The following KRT79 variants were observed in gnomAD, a reference collection of about 807,000 sequenced individuals.
KRT79 encodes keratin, type II cytoskeletal 79.
Under a neutral mutation model 49.0 loss-of-function variants are expected in KRT79, and 51 were observed. That is an observed-to-expected ratio of 1.04 (90% CI 0.83 to 1.31). KRT79 has a LOEUF of 1.31. KRT79 is among the 40% of genes most tolerant of loss of function. The probability of loss-of-function intolerance (pLI) is 0.00; values close to 1 mark genes in which losing one functional copy is unlikely to be tolerated. For synonymous variants in KRT79, 312 were observed against 286.6 expected, an observed-to-expected ratio of 1.09 and a Z score of -0.90; for missense variants, 728 against 688.0, an observed-to-expected ratio of 1.06 and a Z score of -0.65.
intron 8 of KRT79, 88 bp downstream of exon 8, chr12:52,822,257 G>T: frequency 8.4e-6 from 12 of 1,422,220 alleles, no homozygotes; most frequent in Non-Finnish European, 1.2e-5. Context: ...AGGAGAGCAT[G>T]CTTTAGGACA....
At chr12:52,825,563 C>T (rs989746316) in intron 4 of KRT79, among the ~76,000 whole-genome samples, 3 of 151,948 alleles carry the variant, frequency 2.0e-5, no homozygotes, top group South Asian at 2.1e-4. Context: ...GCTGAGAGGA[C>T]GTAGACTAAA....
At position 52,822,999 on chromosome 12, in the gene KRT79, G is replaced by C; in HGVS notation, c.1367+17C>G. On this transcript the variant is annotated intron_variant, in intron 7 of 8. Transcript: ENST00000330553. ...GGCCCGACCCAGCTTTCTGGGTCGG[G>C]CAGGAGGGGCCACCACCTGCTCTCC... The C allele has an allele frequency of 6.2e-7, 1 of 1,612,802 alleles. No homozygotes were observed. The highest frequency in any genetic ancestry group is 8.5e-7 in the Non-Finnish European group (1 of 1,179,682).
intron 7 of KRT79, 25 bp from the exon 8 acceptor site, chr12:52,822,404 G>T: frequency 6.5e-7 from 1 of 1,535,752 alleles, no homozygotes; most frequent in Non-Finnish European, 8.8e-7. Flanking sequence ...AAGGCCAGGA[G>T]AGCAGTCAGT....
chr12:52,824,409 C>G, intron 4 of KRT79, 47 bp from the exon 5 acceptor site: 1 of 1,589,940 alleles, frequency 6.3e-7, no homozygotes, highest in Non-Finnish European at 8.6e-7. Context: ...CTCCAGGCCC[C>G]AGGAAGCATC....
Position 52,823,020 on chromosome 12 carries a change from T to G in KRT79, c.1363A>C (p.Ser455Arg). 1 of 1,613,724 alleles carries G rather than the reference T, an allele frequency of 6.2e-7. No individual in the cohort carries two copies. The highest frequency in any genetic ancestry group is 1.3e-5 in the African/African-American group (1 of 74,958). ...TCGGGCAGGAGGGGCCACCACCTGC[T>G]CTCCTCGCTCTCCAGAAGCTTGCGG... ...TYRKLLESEE[S>R]RMSGECPSAV... is the part of the protein sequence containing the mutation. The change falls in exon 7 of 9, where the codon AGC becomes CGC. Residue 455 changes from serine to arginine, a missense_variant. Physicochemically the swap from Ser to Arg is moderately radical, Grantham distance 110. Coordinates refer to ENST00000330553, the MANE Select transcript of KRT79 (RefSeq NM_175834.3).
At chr12:52,833,421 C>G (rs1167276133) in intron 1 of KRT79, among the ~76,000 whole-genome samples, 1 of 152,208 alleles carries the variant, frequency 6.6e-6, no homozygotes, top group Non-Finnish European at 1.5e-5. Flanking sequence ...AAAGGCAATG[C>G]AGGCCACCCC....
intron 4 of KRT79, among the ~76,000 whole-genome samples, chr12:52,825,733 A>G (rs939836594): frequency 2.6e-5 from 4 of 152,142 alleles, no homozygotes; most frequent in Non-Finnish European, 4.4e-5. Flanking sequence ...CACTACAAAA[A>G]CTTGTGGTTT....
chr12:52,829,113 T>G (rs528032620), intron 4 of KRT79, among the ~76,000 whole-genome samples: 114 of 152,260 alleles, frequency 7.5e-4, no homozygotes, highest in African/African-American at 2.7e-3. Context: ...ATCATAGAAA[T>G]TGTTCTTGCA....
Position 52,822,998 on chromosome 12 carries a change from G to T in KRT79, c.1367+18C>A, listed in dbSNP as rs1343188167. On this transcript the variant is annotated intron_variant, in intron 7 of 8. Coordinates refer to ENST00000330553, the MANE Select transcript of KRT79 (RefSeq NM_175834.3). ...AGGCCCGACCCAGCTTTCTGGGTCG[G>T]GCAGGAGGGGCCACCACCTGCTCTC... 3.1e-6 allele frequency: 5 copies of T among 1,612,484 alleles called. No homozygotes were observed. The highest frequency in any genetic ancestry group is 2.7e-5 in the African/African-American group (2 of 74,838).
intron 1 of KRT79, among the ~76,000 whole-genome samples, chr12:52,833,415 G>A (rs888773482): frequency 6.6e-6 from 1 of 152,158 alleles, no homozygotes; most frequent in Non-Finnish European, 1.5e-5. Flanking sequence ...ATGACAAAAG[G>A]CAATGCAGGC....
rs75098548 is a variant in KRT79, at chr12:52,827,763, G to T, written c.855+2260C>A. On this transcript the variant is annotated intron_variant, in intron 4 of 8. Transcript: ENST00000330553. ...TCCAGGAAAGGCCAATCGCTCAGCT[G>T]CTTTGTCATTTGCCTCTTTTCCATC... Among the ~76,000 whole-genome samples the T allele has an allele frequency of 7.8e-3, 1,191 of 152,314 alleles. 11 individuals are homozygous for T. Among genetic ancestry groups the T allele is most frequent in the African/African-American group, 0.027 (1,116 of 41,560 alleles).
At position 52,823,874 on chromosome 12, in the gene KRT79, A is replaced by G; in HGVS notation, c.1146+13T>C. 6.2e-7 allele frequency: 1 copy of G among 1,611,032 alleles called. No individual in the cohort carries two copies. Among genetic ancestry groups the G allele is most frequent in the Non-Finnish European group, 8.5e-7 (1 of 1,179,108 alleles). On this transcript the variant is annotated intron_variant, in intron 6 of 8. Coordinates refer to ENST00000330553, the MANE Select transcript of KRT79 (RefSeq NM_175834.3). ...ACCTAGGCCAGACCCCCAAGCCCCC[A>G]GTAGAGTCCCACCTGCTTCTTGGCT... is the stretch of plus-strand genomic sequence containing the variant.
chr12:52,825,523 G>A (rs148267170), intron 4 of KRT79, among the ~76,000 whole-genome samples: 28 of 152,292 alleles, frequency 1.8e-4, no homozygotes, highest in African/African-American at 6.7e-4. Context: ...GAGGAGCTCA[G>A]TTTCAAACCC....
Position 52,834,006 on chromosome 12 carries a change from C to A in KRT79, c.255G>T (p.Leu85=), listed in dbSNP as rs767613356. The A allele has an allele frequency of 3.1e-6, 5 of 1,612,460 alleles. No individual in the cohort carries two copies. The East Asian group carries it at 1.1e-4, about 36-fold the overall frequency. ...CCCTGCTGCCAAAGCCAAAGCCCCC[C>A]AGAGCCCGCCCCAACAAGGCCCCTC... ...VAGGALLGRA[L]GGFGFGSRAF... Residue 85 remains leucine, a synonymous_variant, in exon 1 of 9, where the codon CTG becomes CTT. Coordinates refer to ENST00000330553, the MANE Select transcript of KRT79 (RefSeq NM_175834.3).
At position 52,821,896 on chromosome 12, in the gene KRT79, G is replaced by A. The variant is rs1940093702; in HGVS notation, c.1584C>T (p.Val528=). The part of the protein sequence containing the change: ...GTSILRKTTT[V]KTSSQRY ...GCTAATACCTCTGGCTGGACGTCTT[G>A]ACCGTAGTGGTCTTCCGCAGGATGG... Residue 528 remains valine (V), a synonymous_variant, in exon 9 of 9, where the codon GTC becomes GTT. Transcript: ENST00000330553. The A allele has an allele frequency of 6.2e-7, 1 of 1,613,964 alleles. No homozygotes were observed. The highest frequency in any genetic ancestry group is 8.5e-7 in the Non-Finnish European group (1 of 1,180,012).
chr12:52,831,596 G>C lies in KRT79; in HGVS notation c.508C>G (p.Leu170Val), dbSNP rs779896714. 5 of 1,614,206 alleles carry C rather than the reference G, an allele frequency of 3.1e-6. No homozygotes were observed. Among genetic ancestry groups the C allele is most frequent in the Non-Finnish European group, 4.2e-6 (5 of 1,180,034 alleles). The change falls in exon 2 of 9, where the codon CTG (leucine) becomes GTG (valine). Residue 170 changes from leucine to valine, a missense_variant. Leu to Val is a conservative substitution (Grantham distance 32). Transcript: ENST00000330553. ...VRFLEQQNKV[L>V]ETKWALLQEQ... ...TGCAGCAGTGCCCACTTGGTCTCCA[G>C]CACCTTATTCTGTTGCTCCAGGAAC...
chr12:52,833,779 C>A lies in KRT79; in HGVS notation c.477+5G>T. The A allele has an allele frequency of 6.2e-7, 1 of 1,611,064 alleles. No individual in the cohort carries two copies. The highest frequency in any genetic ancestry group is 8.5e-7 in the Non-Finnish European group (1 of 1,177,414). ...AGCTCCCTTCCTCCTTCCTGCTTGG[C>A]CCACCTTGTCGATGAAGGAGGCGAA... On this transcript the variant is annotated splice_donor_5th_base_variant and intron_variant, in intron 1 of 8. Coordinates refer to ENST00000330553, the MANE Select transcript of KRT79 (RefSeq NM_175834.3).
rs199661157 is a variant in KRT79 at position 52,833,837 on chromosome 12, C to G, written c.424G>C (p.Glu142Gln). Residue 142 changes from glutamate (E) to glutamine (Q), a missense_variant, in exon 1 of 9, where the codon GAG (glutamate) becomes CAG (glutamine). Physicochemically the swap from Glu to Gln is conservative, Grantham distance 29. Transcript: ENST00000330553. ...TTGAGGGTCTTGATCTGCTCCCGCTCCTGAGTGCGCACTCGCTGGATCTCG... is the reference window on the plus strand; with the variant it reads ...TTGAGGGTCTTGATCTGCTCCCGCTGCTGAGTGCGCACTCGCTGGATCTCG... ...DPEIQRVRTQEREQIKTLNNK... is the reference protein window; with the variant it reads ...DPEIQRVRTQQREQIKTLNNK... 6.2e-7 allele frequency: 1 copy of G among 1,613,956 alleles called. No homozygotes were observed. The highest frequency in any genetic ancestry group is 8.5e-7 in the Non-Finnish European group (1 of 1,179,992).
At chr12:52,829,304 C>A (rs1940216895) in intron 4 of KRT79, among the ~76,000 whole-genome samples, 1 of 152,190 alleles carries the variant, frequency 6.6e-6, no homozygotes, top group South Asian at 2.1e-4. Context: ...GAATCCCAGT[C>A]CCTCCTCTCT....
Sources: gnomAD v4.1 joint callset for allele counts (sites outside exome capture counted in the v4.1 genomes callset) on GRCh38, gnomAD v4.1.1 for gene constraint, MANE v1.5 for transcripts, NCBI Gene and HGNC (gene_info 2026-07-23, HGNC 2026-07-21) for gene names.